SHANK2: variants seen among roughly 807,000 people sequenced by gnomAD.
SHANK2 encodes the protein SH3 and multiple ankyrin repeat domains 2, also known as SH3 and multiple ankyrin repeat domains protein 2.
A neutral mutation model predicts 133.7 loss-of-function variants in SHANK2; 43 were observed. The ratio of observed to expected loss-of-function variants is 0.32; its 90% confidence interval spans 0.25 to 0.41. The LOEUF is 0.41. SHANK2 is among the 10% of genes least tolerant of loss of function. SHANK2 has a pLI of 1.00. For missense variants in SHANK2, 1,994 were observed against 2,235.8 expected (o/e 0.89, Z 2.18); for synonymous variants, 1,017 against 952.8 (o/e 1.07, Z -1.24).
At chr11:70,543,172 A>C (rs2059644485) in intron 17 of SHANK2, among the ~76,000 whole-genome samples, 1 of 152,194 alleles carries the variant, frequency 6.6e-6, no homozygotes, top group Admixed American at 6.5e-5. Flanking sequence ...TGTTAGAGAA[A>C]GGCACGGAGG....
rs73532080 is a variant in SHANK2 at position 70,842,329 on chromosome 11, T to C, written c.1175-21647A>G. Among the ~76,000 whole-genome samples, 1,511 of 152,122 alleles carry C rather than the reference T, an allele frequency of 9.9e-3. 25 individuals are homozygous for C. The highest frequency in any genetic ancestry group is 0.034 in the African/African-American group (1,391 of 41,462). On this transcript the variant is annotated intron_variant, in intron 11 of 25. Transcript: ENST00000601538. ...GGAATAAAGCATATTCCCTGCCGGG[T>C]GGCTCCAGACCTTTCTGCAGCACCA...
chr11:70,523,743 G>A (rs1195125643), intron 17 of SHANK2, among the ~76,000 whole-genome samples: 1 of 152,140 alleles, frequency 6.6e-6, no homozygotes. Context: ...GGGGCTGTAC[G>A]GGATTCTCAG....
intron 14 of SHANK2, among the ~76,000 whole-genome samples, chr11:70,732,993 T>C (rs1555032625): frequency 6.6e-6 from 1 of 152,244 alleles, no homozygotes; most frequent in Non-Finnish European, 1.5e-5. Flanking sequence ...TTCTCCTGCA[T>C]GTCAGATGCT....
chr11:70,828,398 C>T (rs1948677886), intron 11 of SHANK2, among the ~76,000 whole-genome samples: 1 of 152,238 alleles, frequency 6.6e-6, no homozygotes, highest in South Asian at 2.1e-4. Context: ...CTCACCCTAC[C>T]ATGCATCACC....
intron 10 of SHANK2, among the ~76,000 whole-genome samples, chr11:70,948,105 G>A (rs1336673796): frequency 6.6e-6 from 1 of 151,794 alleles, no homozygotes; most frequent in Non-Finnish European, 1.5e-5. Flanking sequence ...ACATCCTGAG[G>A]GCCCACTCTT....
intron 15 of SHANK2, chr11:70,662,286 C>A (rs1555013686): frequency 1.2e-5 from 2 of 170,754 alleles, no homozygotes; most frequent in Non-Finnish European, 2.5e-5. Context: ...AGCGCCCCCT[C>A]CCTCTCCCGT....
intron 17 of SHANK2, among the ~76,000 whole-genome samples, chr11:70,507,108 C>T (rs770488359): frequency 6.6e-6 from 1 of 152,222 alleles, no homozygotes; most frequent in Non-Finnish European, 1.5e-5. Context: ...GTTGGGCCTC[C>T]CACTTGCATG....
intron 17 of SHANK2, among the ~76,000 whole-genome samples, chr11:70,513,962 A>G (rs1305279122): frequency 2.0e-5 from 3 of 152,196 alleles, no homozygotes; most frequent in Non-Finnish European, 4.4e-5. Flanking sequence ...AAATACTTGA[A>G]AAAATGGTAC....
chr11:71,229,631 A>G lies in SHANK2; in HGVS notation c.-112-4835T>C, dbSNP rs188152439. On this transcript the variant is annotated intron_variant, in intron 1 of 25. Transcript: ENST00000601538. ...TACAAATACAAAAATTAGCTGGTGC[A>G]TGCCTGTAATCCCAGCTACTCAGGA... Among the ~76,000 whole-genome samples the G allele has an allele frequency of 2.0e-4, 31 of 151,974 alleles. No homozygotes were observed. In the Middle Eastern group the frequency reaches 0.014, roughly 67 times the overall value.
At position 70,556,389 on chromosome 11, in the gene SHANK2, TTCTTTCTCTCTCTC is replaced by T. The variant is rs782182667; in HGVS notation, c.2062-53472_2062-53459del. On this transcript the variant is annotated intron_variant, in intron 17 of 25. Transcript: ENST00000601538. The stretch of plus-strand genomic sequence containing the variant: ...ATTTATTTTCTCTCTGTCTCTTTCT[TTCTTTCTCTCTCTC>T]TCTCTCTCTCTCTCTCTCTAGCTTT... Among the ~76,000 whole-genome samples, 5 of 136,164 alleles carry T rather than the reference TTCTTTCTCTCTCTC, an allele frequency of 3.7e-5. No homozygotes were observed. In the Admixed American group the frequency reaches 3.7e-4, roughly 10 times the overall value. The allele number at this position is 136,164 out of a possible 152,430, so 89.3% of individuals were successfully genotyped here.
intron 17 of SHANK2, among the ~76,000 whole-genome samples, chr11:70,649,887 A>G (rs533095710): frequency 2.0e-5 from 3 of 152,226 alleles, no homozygotes; most frequent in Non-Finnish European, 4.4e-5. Flanking sequence ...CAAGCTTTGG[A>G]GTCAGCTTAG....
At chr11:70,731,384 T>G (rs1458124128) in intron 14 of SHANK2, among the ~76,000 whole-genome samples, 2 of 152,224 alleles carry the variant, frequency 1.3e-5, no homozygotes. Context: ...GTTATGAAAG[T>G]CCAGGCTGAC....
intron 17 of SHANK2, among the ~76,000 whole-genome samples, chr11:70,511,450 C>CTGTT (rs756626037): frequency 7.2e-5 from 11 of 152,222 alleles, no homozygotes; most frequent in Non-Finnish European, 1.6e-4. Context: ...GAAATGCTTG[C>CTGTT]TGTTTCCTCA....
intron 14 of SHANK2, among the ~76,000 whole-genome samples, chr11:70,719,712 G>A (rs1946034860): frequency 6.6e-6 from 1 of 151,746 alleles, no homozygotes; most frequent in Admixed American, 6.6e-5. Context: ...GCGGAGACAG[G>A]AGGTAAAAAT....
At chr11:70,548,380 C>CT (rs1411565781) in intron 17 of SHANK2, among the ~76,000 whole-genome samples, 1 of 152,254 alleles carries the variant, frequency 6.6e-6, no homozygotes, top group Non-Finnish European at 1.5e-5. Context: ...TGGGGAGACT[C>CT]TGCTTCTAGG....
intron 11 of SHANK2, among the ~76,000 whole-genome samples, chr11:70,854,121 T>A (rs1315568841): frequency 2.0e-5 from 3 of 152,122 alleles, no homozygotes; most frequent in Non-Finnish European, 4.4e-5. Context: ...AGAAGAAGGT[T>A]TGGATGATTT....
chr11:71,113,122 C>T (rs1280266591), intron 5 of SHANK2, among the ~76,000 whole-genome samples, 171 bp downstream of exon 5: 1 of 152,212 alleles, frequency 6.6e-6, no homozygotes, highest in East Asian at 1.9e-4. Flanking sequence ...GGTGGGTCTC[C>T]GCAGTGTGCA....
intron 10 of SHANK2, among the ~76,000 whole-genome samples, chr11:70,907,273 C>T (rs1344208014): frequency 6.6e-6 from 1 of 151,346 alleles, no homozygotes; most frequent in Non-Finnish European, 1.5e-5. Context: ...GGGGATGAAA[C>T]AGCCCCTCAG....
At chr11:70,867,584 T>C (rs1297168145) in intron 11 of SHANK2, among the ~76,000 whole-genome samples, 1 of 152,204 alleles carries the variant, frequency 6.6e-6, no homozygotes, top group Non-Finnish European at 1.5e-5. Flanking sequence ...CACCGGCTCG[T>C]GAATGTGGGG....
Sources: allele counts gnomAD v4.1 joint callset (sites outside exome capture counted in the v4.1 genomes callset), GRCh38; gene constraint gnomAD v4.1.1; transcripts MANE v1.5; gene names NCBI Gene and HGNC (gene_info 2026-07-23, HGNC 2026-07-21).